STARD6: variants seen among roughly 807,000 people sequenced by gnomAD.
STARD6 encodes stAR-related lipid transfer protein 6.
A neutral mutation model predicts 22.3 loss-of-function variants in STARD6; 21 were observed. That is an observed-to-expected ratio of 0.94 (90% CI 0.67 to 1.35). The LOEUF (loss-of-function observed/expected upper bound fraction) is 1.35. STARD6 is among the 40% of genes most tolerant of loss of function. STARD6 has a pLI of 0.00. For synonymous variants in STARD6, 80 were observed against 88.1 expected, an observed-to-expected ratio of 0.91 and a Z score of 0.52; for missense variants, 269 against 266.9, an observed-to-expected ratio of 1.01 and a Z score of -0.05.
intron 4 of STARD6, among the ~76,000 whole-genome samples, chr18:54,347,101 T>A (rs949614519): frequency 6.6e-6 from 1 of 152,050 alleles, no homozygotes; most frequent in African/African-American, 2.4e-5. Context: ...GTTCCACAAG[T>A]CCTTTTTTTC....
chr18:54,337,480 G>A (rs2088926700), intron 4 of STARD6, among the ~76,000 whole-genome samples: 1 of 152,196 alleles, frequency 6.6e-6, no homozygotes, highest in African/African-American at 2.4e-5. Context: ...TCTATAAGTA[G>A]GCTATTAGTA....
At chr18:54,336,628 G>C (rs1462086373) in intron 5 of STARD6, among the ~76,000 whole-genome samples, 4 of 152,128 alleles carry the variant, frequency 2.6e-5, no homozygotes, top group East Asian at 1.9e-4. Context: ...CTGTTCTCAT[G>C]ATAGTGAGTG....
chr18:54,352,223 C>T (rs2089105005), intron 4 of STARD6, among the ~76,000 whole-genome samples: 1 of 151,516 alleles, frequency 6.6e-6, no homozygotes, highest in African/African-American at 2.4e-5. Context: ...GATTTTCTAG[C>T]TTGTGCATGT....
At chr18:54,354,604 G>A in intron 2 of STARD6, 27 bp from the exon 3 acceptor site, 5 of 1,531,664 alleles carry the variant, frequency 3.3e-6, no homozygotes, top group Non-Finnish European at 4.5e-6. Context: ...CAAACAACTG[G>A]TAAGAATATA....
At chr18:54,333,591 G>A (rs1208433573) in intron 5 of STARD6, among the ~76,000 whole-genome samples, 2 of 152,196 alleles carry the variant, frequency 1.3e-5, no homozygotes, top group African/African-American at 4.8e-5. Flanking sequence ...GAAGATCATG[G>A]ACATGTGTTT....
chr18:54,334,068 C>T (rs942808892), intron 5 of STARD6, among the ~76,000 whole-genome samples: 16 of 152,262 alleles, frequency 1.1e-4, no homozygotes, highest in South Asian at 6.2e-4. Flanking sequence ...GTATGTAGTT[C>T]AATGAATTTC....
intron 4 of STARD6, among the ~76,000 whole-genome samples, chr18:54,345,277 T>C (rs1005177998): frequency 6.6e-6 from 1 of 152,172 alleles, no homozygotes; most frequent in Non-Finnish European, 1.5e-5. Context: ...CAATTCCATT[T>C]ACAATAACAT....
intron 4 of STARD6, among the ~76,000 whole-genome samples, chr18:54,343,967 G>T (rs1344287640): frequency 2.0e-5 from 1 of 50,600 alleles, no homozygotes; most frequent in Admixed American, 1.5e-4. Flanking sequence ...CAGCCCCCCT[G>T]CCCGGCCAGC....
At chr18:54,356,482 C>T (rs2089144890) in intron 1 of STARD6, 38 bp from the exon 2 acceptor site, 1 of 152,110 alleles carries the variant, frequency 6.6e-6, no homozygotes, top group African/African-American at 2.4e-5. Flanking sequence ...TTATTTTGAT[C>T]CATGAATTAG....
chr18:54,349,575 A>G (rs1342089994), intron 4 of STARD6, among the ~76,000 whole-genome samples: 2 of 152,046 alleles, frequency 1.3e-5, no homozygotes, highest in African/African-American at 4.8e-5. Flanking sequence ...CTGTGGTGGT[A>G]ATTTCTTGAG....
intron 4 of STARD6, among the ~76,000 whole-genome samples, chr18:54,343,293 C>T (rs1404036972): frequency 1.7e-5 from 2 of 117,384 alleles, no homozygotes; most frequent in African/African-American, 3.4e-5. Context: ...AGTGAGGAGC[C>T]TCTCCGCCCA....
chr18:54,326,757 TTTTA>T (rs1244357365), intron 7 of STARD6, among the ~76,000 whole-genome samples: 1 of 151,622 alleles, frequency 6.6e-6, no homozygotes, highest in Admixed American at 6.6e-5. Flanking sequence ...CAAATTTTAT[TTTTA>T]TTTATTATTA....
At chr18:54,356,856 G>C (rs2089150115) in intron 1 of STARD6, among the ~76,000 whole-genome samples, 1 of 152,056 alleles carries the variant, frequency 6.6e-6, no homozygotes, top group African/African-American at 2.4e-5. Flanking sequence ...AAGATTATTG[G>C]GACATACCAC....
At chr18:54,355,412 C>T (rs1397553608) in intron 2 of STARD6, among the ~76,000 whole-genome samples, 2 of 152,070 alleles carry the variant, frequency 1.3e-5, no homozygotes, top group East Asian at 3.9e-4. Context: ...CCCTAAAATT[C>T]ATATGTTGAA....
At chr18:54,337,278 C>G in intron 4 of STARD6, 27 bp from the exon 5 acceptor site, 1 of 1,599,292 alleles carries the variant, frequency 6.3e-7, no homozygotes, top group Non-Finnish European at 8.5e-7. Context: ...AAAGAAAATT[C>G]AAAGCTTAAA....
At chr18:54,327,582 A>G (rs1299700016) in intron 7 of STARD6, among the ~76,000 whole-genome samples, 1 of 152,228 alleles carries the variant, frequency 6.6e-6, no homozygotes, top group Non-Finnish European at 1.5e-5. Context: ...GTTTATAAGG[A>G]TGGTATAACC....
intron 4 of STARD6, among the ~76,000 whole-genome samples, chr18:54,349,003 G>A (rs1012118180): frequency 1.1e-4 from 16 of 152,078 alleles, no homozygotes; most frequent in African/African-American, 3.9e-4. Flanking sequence ...GTGTCTTGGT[G>A]AGAGACACTG....
At chr18:54,337,801 G>T (rs2088931034) in intron 4 of STARD6, among the ~76,000 whole-genome samples, 1 of 152,164 alleles carries the variant, frequency 6.6e-6, no homozygotes, top group Non-Finnish European at 1.5e-5. Flanking sequence ...CTTTGTAAAG[G>T]TAAGAAAAGT....
intron 5 of STARD6, among the ~76,000 whole-genome samples, chr18:54,333,647 A>C (rs1369107808): frequency 6.6e-6 from 1 of 152,198 alleles, no homozygotes; most frequent in Non-Finnish European, 1.5e-5. Context: ...CTGATTTACA[A>C]GATGAAGATC....
Sources: allele counts gnomAD v4.1 joint callset (sites outside exome capture counted in the v4.1 genomes callset), GRCh38; gene constraint gnomAD v4.1.1; transcripts MANE v1.5; gene names NCBI Gene and HGNC (gene_info 2026-07-23, HGNC 2026-07-21).